The following SON variants were observed in gnomAD, a reference collection of about 807,000 sequenced individuals.
SON encodes the protein protein SON.
SON carries 4 observed loss-of-function variants against 173.3 expected under a neutral mutation model. The ratio of observed to expected loss-of-function variants is 0.02; its 90% CI spans 0.01 to 0.05. SON has a LOEUF of 0.05. Ranked by LOEUF, SON falls within the 10% of genes least tolerant of loss-of-function variation. SON has a pLI of 1.00. For missense variants in SON, 2,626 were observed against 3,055.3 expected (o/e 0.86, Z 3.31); for synonymous variants, 1,190 against 1,105.9 (o/e 1.08, Z -1.51).
chr21:33,553,642 CCAATGA>C lies in SON; in HGVS notation c.4412_4417del (p.Pro1471_Ile1473delinsLeu). ...AACTGAGGTGGCTATAGAGTCCACA[CCAATGA>C]TACTGGAATCTAGTATCATGTCATC... On this transcript the variant is annotated inframe_deletion, in exon 3 of 12. Transcript: ENST00000356577. 6.2e-7 allele frequency: 1 copy of C among 1,613,622 alleles called. No homozygotes were observed. The highest frequency in any genetic ancestry group is 8.5e-7 in the Non-Finnish European group (1 of 1,179,698).
rs2085760827 is a variant in SON, at chr21:33,550,872, G to A, written c.1641G>A (p.Glu547=). The A allele has an allele frequency of 1.2e-6, 2 of 1,612,860 alleles. No individual in the cohort carries two copies. Among genetic ancestry groups the A allele is most frequent in the Admixed American group, 1.7e-5 (1 of 59,988 alleles). Residue 547 remains glutamate, a synonymous_variant, in exon 3 of 12, where the codon GAG becomes GAA. Transcript: ENST00000356577. ...AGCCTGAGGCAACGATGGTGCTGGA[G>A]TTGCCAGGACAGCCAGTGGCAACGA... The part of the protein sequence containing the change: ...LGQPEATMVL[E]LPGQPVATTA...
At chr21:33,546,439 A>G (rs1298419167) in intron 2 of SON, 60 bp downstream of exon 2, 1 of 1,375,608 alleles carries the variant, frequency 7.3e-7, no homozygotes, top group Non-Finnish European at 1.0e-6. Context: ...TTGAAATTTG[A>G]AGGTTAATGT....
intron 8 of SON, chr21:33,572,712 A>G: frequency 1.5e-6 from 1 of 647,986 alleles, no homozygotes; most frequent in Non-Finnish European, 2.5e-6. Flanking sequence ...ATTTTGGCAT[A>G]CTTACAGGAT....
Position 33,554,480 on chromosome 21 carries a change from C to T in SON, c.5249C>T (p.Ala1750Val). Residue 1750 changes from alanine to valine, a missense_variant, in exon 3 of 12, where the codon GCT becomes GTT. Physicochemically the swap from Ala to Val is moderately conservative, Grantham distance 64. This residue lies in a region of SON where 1,006 missense variants were observed against 895.6 expected (regional missense o/e 1.12). Coordinates refer to ENST00000356577, the MANE Select transcript of SON (RefSeq NM_138927.4). ...ATGGAACGTCTTACAAGCCTTAGAGCTGGCATTGAAGGACCTTTACTTGCA... is the reference window on the plus strand; with the variant it reads ...ATGGAACGTCTTACAAGCCTTAGAGTTGGCATTGAAGGACCTTTACTTGCA... ...KDMERLTSLRAGIEGPLLASD... is the reference protein window; with the variant it reads ...KDMERLTSLRVGIEGPLLASD... The T allele has an allele frequency of 1.9e-6, 3 of 1,614,180 alleles. No individual in the cohort carries two copies. The highest frequency in any genetic ancestry group is 2.5e-6 in the Non-Finnish European group (3 of 1,180,036).
At position 33,557,698 on chromosome 21, in the gene SON, A is replaced by G. The variant is rs1271640708; in HGVS notation, c.6321+382A>G. The G allele has an allele frequency of 4.1e-6, 6 of 1,451,124 alleles. No individual in the cohort carries two copies. In the East Asian group the frequency reaches 1.5e-4, roughly 37 times the overall value. The allele number at this position is 1,451,124 out of a possible 1,614,324, so 89.9% of individuals were successfully genotyped here. On this transcript the variant is annotated intron_variant, in intron 4 of 11. Coordinates refer to ENST00000356577, the MANE Select transcript of SON (RefSeq NM_138927.4). The stretch of plus-strand genomic sequence containing the variant: ...GTATACTGCATATACGCAAAGACAC[A>G]GACAATCTTCAGAAATGATCTTTTG...
chr21:33,549,578 A>G lies in SON; in HGVS notation c.347A>G (p.Asn116Ser), dbSNP rs2085705136. Residue 116 changes from asparagine (N) to serine (S), a missense_variant, in exon 3 of 12, where the codon AAC becomes AGC. Physicochemically the swap from Asn to Ser is conservative, Grantham distance 46. Around this residue, in one of 13 missense-constraint regions of SON, gnomAD observed 757 missense variants for 730.1 expected, o/e 1.04. Transcript: ENST00000356577. ...TCAAAGAAGCATAAAAAGCACAAAAACAAAAAGAAGAAAAAGAAGAAAGAA... is the reference window on the plus strand; with the variant it reads ...TCAAAGAAGCATAAAAAGCACAAAAGCAAAAAGAAGAAAAAGAAGAAAGAA... ...KKSKKHKKHK[N>S]KKKKKKKEKE... 3.1e-6 allele frequency: 5 copies of G among 1,591,650 alleles called. No individual in the cohort carries two copies. The Admixed American group carries it at 7.4e-5, about 23-fold the overall frequency.
chr21:33,546,069 G>C, intron 1 of SON, 144 bp from the exon 2 acceptor site: 1 of 592,966 alleles, frequency 1.7e-6, no homozygotes, highest in South Asian at 3.0e-5. Flanking sequence ...ATGGTAAGAA[G>C]CATTATTAGT....
In SON at chr21:33,554,355, A is replaced by G. The variant is rs2085905046; in HGVS notation, c.5124A>G (p.Val1708=). The change falls in exon 3 of 12, where the codon GTA becomes GTG. Residue 1708 remains valine, a synonymous_variant. Coordinates refer to ENST00000356577, the MANE Select transcript of SON (RefSeq NM_138927.4). ...AAAGTAGTGGAGGAGAAAAAGAAGT[A>G]CCTCCCCCTCCTAAAGAGACACTGC... is the stretch of plus-strand genomic sequence containing the variant. The part of the protein sequence containing the change: ...PKESSGGEKE[V]PPPPKETLPD... 6.2e-7 allele frequency: 1 copy of G among 1,613,578 alleles called. No homozygotes were observed. Among genetic ancestry groups the G allele is most frequent in the African/African-American group, 1.3e-5 (1 of 74,818 alleles).
chr21:33,546,068 A>G, intron 1 of SON, 145 bp from the exon 2 acceptor site: 2 of 582,738 alleles, frequency 3.4e-6, no homozygotes. Flanking sequence ...CATGGTAAGA[A>G]GCATTATTAG....
In SON at chr21:33,559,605, A is replaced by T. The variant is rs16838998; in HGVS notation, c.6487A>T (p.Thr2163Ser). Residue 2163 changes from threonine to serine, a missense_variant, in exon 6 of 12, where the codon ACT becomes TCT. Coordinates refer to ENST00000356577, the MANE Select transcript of SON (RefSeq NM_138927.4). This position sits in a 1 kb window ranked among gnomAD's most constrained non-coding sequence, Gnocchi z 4.1. Reference protein sequence around the residue: ...FNLNIAAAKPTPPKSQVTLTK... With the variant: ...FNLNIAAAKPSPPKSQVTLTK... ...TTTTTAGATTGCTGCAGCAAAACCA[A>T]CTCCACCAAAAAGCCAGGTAACATT... The T allele has an allele frequency of 8.1e-6, 13 of 1,610,272 alleles. No homozygotes were observed. In the African/African-American group the frequency reaches 1.6e-4, roughly 20 times the overall value.
chr21:33,567,674 T>C (rs565731461), intron 7 of SON, among the ~76,000 whole-genome samples: 1 of 152,162 alleles, frequency 6.6e-6, no homozygotes, highest in South Asian at 2.1e-4. Context: ...TCCCAGCACT[T>C]TGGGAGGCCG....
chr21:33,559,839 T>G lies in SON; in HGVS notation c.6657+64T>G. On this transcript the variant is annotated intron_variant, in intron 6 of 11. Transcript: ENST00000356577. The surrounding 1 kb of genome is among the most constrained non-coding windows in gnomAD (Gnocchi z 4.1). The stretch of plus-strand genomic sequence containing the variant: ...ACCTGAATCTGCCATTTCATTGTTA[T>G]GTTATGTCTGATTTGGATTCTGTTT... The G allele has an allele frequency of 6.2e-7, 1 of 1,604,326 alleles. No homozygotes were observed. Among genetic ancestry groups the G allele is most frequent in the Non-Finnish European group, 8.5e-7 (1 of 1,173,682 alleles).
chr21:33,553,834 A>G lies in SON; in HGVS notation c.4603A>G (p.Asn1535Asp). The part of the protein sequence containing the change: ...ESEHGINIDL[N>D]INNHLIAKEM... ...TGAACATGGTATAAATATAGACCTT[A>G]ATATAAATAATCATTTAATTGCTAA... The change falls in exon 3 of 12, where the codon AAT becomes GAT. Residue 1535 changes from asparagine (N) to aspartate (D), a missense_variant. This residue lies in a region of SON where 1,006 missense variants were observed against 895.6 expected (regional missense o/e 1.12). Transcript: ENST00000356577. 6.2e-7 allele frequency: 1 copy of G among 1,613,886 alleles called. No individual in the cohort carries two copies. The highest frequency in any genetic ancestry group is 8.5e-7 in the Non-Finnish European group (1 of 1,179,820).
Position 33,553,801 on chromosome 21 carries a change from T to G in SON, c.4570T>G (p.Tyr1524Asp), listed in dbSNP as rs2145834185. 2.5e-6 allele frequency: 4 copies of G among 1,614,064 alleles called. No individual in the cohort carries two copies. Among genetic ancestry groups the G allele is most frequent in the Non-Finnish European group, 2.5e-6 (3 of 1,179,972 alleles). Residue 1524 changes from tyrosine (Y) to aspartate (D), a missense_variant, in exon 3 of 12, where the codon TAC becomes GAC. By Grantham distance (160) the Tyr-to-Asp change is radical. Coordinates refer to ENST00000356577, the MANE Select transcript of SON (RefSeq NM_138927.4). ...HAEEHLKGDF[Y>D]ESEHGINIDL... The stretch of plus-strand genomic sequence containing the variant: ...TGAGGAACACCTGAAAGGTGACTTT[T>G]ACGAAAGTGAACATGGTATAAATAT...
intron 8 of SON, 174 bp downstream of exon 8, chr21:33,569,261 G>A: frequency 1.8e-6 from 1 of 546,658 alleles, no homozygotes; most frequent in Non-Finnish European, 3.3e-6. Flanking sequence ...ATGAGAAAAT[G>A]GCAAATGTAT....
At chr21:33,557,450 A>T (rs2085990202) in intron 4 of SON, 134 bp downstream of exon 4, 1 of 1,543,162 alleles carries the variant, frequency 6.5e-7, no homozygotes, top group South Asian at 1.2e-5. Flanking sequence ...CGAAATACAG[A>T]TGTGGCAGCG....
At chr21:33,545,975 T>C (rs2085604696) in intron 1 of SON, among the ~76,000 whole-genome samples, 1 of 152,246 alleles carries the variant, frequency 6.6e-6, no homozygotes, top group Non-Finnish European at 1.5e-5. Flanking sequence ...ACAAAGAGTG[T>C]ACTTAGAAAC....
chr21:33,543,387 A>G (rs1322114463), intron 1 of SON: 2 of 589,940 alleles, frequency 3.4e-6, no homozygotes, highest in East Asian at 2.9e-5. Context: ...AGGTAACCCA[A>G]GACTCCCTGT....
chr21:33,548,970 C>A (rs1482874163), intron 2 of SON, among the ~76,000 whole-genome samples: 1 of 151,956 alleles, frequency 6.6e-6, no homozygotes, highest in East Asian at 1.9e-4. Flanking sequence ...TTAACCCAGG[C>A]ATTAGTTGTG....
Sources: allele counts gnomAD v4.1 joint callset (sites outside exome capture counted in the v4.1 genomes callset), GRCh38; gene constraint gnomAD v4.1.1; regional missense constraint gnomAD v4.1.1; non-coding constraint Gnocchi (gnomAD v3.1); transcripts MANE v1.5; gene names NCBI Gene and HGNC (gene_info 2026-07-23, HGNC 2026-07-21).